The following CSGALNACT1 variants were observed in gnomAD, a reference collection of about 807,000 sequenced individuals.
CSGALNACT1 encodes beta4GalNAcT-1.
CSGALNACT1 carries 52 observed loss-of-function variants against 51.0 expected under a neutral mutation model. The ratio of observed to expected loss-of-function variants is 1.02; its 90% confidence interval spans 0.82 to 1.29. The LOEUF is 1.29. Ranked by LOEUF, CSGALNACT1 falls within the 50% of genes most tolerant of loss-of-function variation. The pLI is 0.00. For synonymous variants in CSGALNACT1, 341 were observed against 254.4 expected (o/e 1.34, Z -3.24); for missense variants, 935 against 679.2 (o/e 1.38, Z -4.19).
chr8:19,662,349 C>T (rs772468482), intron 1 of CSGALNACT1, among the ~76,000 whole-genome samples: 1 of 152,030 alleles, frequency 6.6e-6, no homozygotes, highest in Non-Finnish European at 1.5e-5. Flanking sequence ...CCACTGCACT[C>T]CAGTCTGGGC....
exon 4 of CSGALNACT1, chr8:19,506,054 C>T: frequency 2.9e-6 from 2 of 695,726 alleles, no homozygotes; most frequent in South Asian, 3.0e-5. Context: ...GAAGCAATGA[C>T]TGAAGTGAAA....
At chr8:19,522,557 A>C (rs1312759544) in intron 3 of CSGALNACT1, among the ~76,000 whole-genome samples, 1 of 152,152 alleles carries the variant, frequency 6.6e-6, no homozygotes, top group African/African-American at 2.4e-5. Context: ...GGCACAGTGG[A>C]GGAGGACATT....
chr8:19,660,521 G>C (rs190473271), intron 1 of CSGALNACT1, among the ~76,000 whole-genome samples: 26 of 152,290 alleles, frequency 1.7e-4, no homozygotes, highest in African/African-American at 6.0e-4. Context: ...GAATACCAAT[G>C]CTTTGCCGTA....
At chr8:19,549,728 A>T (rs1173676032) in intron 3 of CSGALNACT1, among the ~76,000 whole-genome samples, 1 of 140,718 alleles carries the variant, frequency 7.1e-6, no homozygotes, top group Non-Finnish European at 1.5e-5. Flanking sequence ...AAGGGTGCAG[A>T]GGAGGCTAAT....
Position 19,506,133 on chromosome 8 carries a change from G to A in CSGALNACT1, c.-296-3C>T. 1.7e-6 allele frequency: 1 copy of A among 603,760 alleles called. No individual in the cohort carries two copies. Among genetic ancestry groups the A allele is most frequent in the South Asian group, 1.5e-5 (1 of 65,848 alleles). 37.4% of individuals were successfully genotyped at this position (603,760 alleles called of 1,614,324 possible). On this transcript the variant is annotated splice_region_variant and splice_polypyrimidine_tract_variant and intron_variant, in intron 3 of 9. Transcript: ENST00000454498. ...TGCAGCCAACAGCAAGAGGGGACCTGGGAAGAAACACAAATGACATCAACA... is the reference window on the plus strand; with the variant it reads ...TGCAGCCAACAGCAAGAGGGGACCTAGGAAGAAACACAAATGACATCAACA...
intron 4 of CSGALNACT1, among the ~76,000 whole-genome samples, chr8:19,480,570 A>G (rs190976080): frequency 5.3e-5 from 8 of 152,302 alleles, no homozygotes; most frequent in Non-Finnish European, 7.3e-5. Context: ...TAGTGCTGCA[A>G]TGAACATATG....
intron 4 of CSGALNACT1, among the ~76,000 whole-genome samples, chr8:19,467,908 C>T (rs1042267005): frequency 6.6e-6 from 1 of 152,328 alleles, no homozygotes; most frequent in Non-Finnish European, 1.5e-5. Flanking sequence ...ATCACTTAAA[C>T]CCAGGAGTTG....
intron 4 of CSGALNACT1, among the ~76,000 whole-genome samples, chr8:19,500,671 G>C (rs2076260669): frequency 6.6e-6 from 1 of 152,222 alleles, no homozygotes; most frequent in South Asian, 2.1e-4. Context: ...TGAGGTGTTT[G>C]TTGAAGAGTA....
intron 1 of CSGALNACT1, among the ~76,000 whole-genome samples, chr8:19,666,969 A>G (rs1275839013): frequency 1.4e-4 from 1 of 7,176 alleles, no homozygotes; most frequent in Non-Finnish European, 2.5e-4. Context: ...GAAAGAAAGA[A>G]AGAAAGAAAG....
At chr8:19,717,935 C>G (rs966803763) in intron 1 of CSGALNACT1, among the ~76,000 whole-genome samples, 1 of 152,116 alleles carries the variant, frequency 6.6e-6, no homozygotes, top group African/African-American at 2.4e-5. Flanking sequence ...GAGGCAGGCA[C>G]CAAGGATCCA....
At chr8:19,621,098 G>A (rs1032691988) in intron 1 of CSGALNACT1, among the ~76,000 whole-genome samples, 2 of 152,198 alleles carry the variant, frequency 1.3e-5, no homozygotes, top group Non-Finnish European at 2.9e-5. Context: ...ATAAAGAAAT[G>A]AATGCTAGAA....
intron 6 of CSGALNACT1, among the ~76,000 whole-genome samples, chr8:19,438,972 T>C (rs1361849700): frequency 1.3e-5 from 2 of 152,214 alleles, no homozygotes; most frequent in East Asian, 3.9e-4. Context: ...CTAAATGATA[T>C]GGATCTACTC....
At chr8:19,666,875 A>G (rs868591817) in intron 1 of CSGALNACT1, among the ~76,000 whole-genome samples, 45 of 126,286 alleles carry the variant, frequency 3.6e-4, no homozygotes, top group African/African-American at 7.3e-4. Context: ...GAAAGAAAGA[A>G]AGAAAGAAAG....
Position 19,746,175 on chromosome 8 carries a change from C to T in CSGALNACT1, c.-297+11675G>A, listed in dbSNP as rs7846562. On this transcript the variant is annotated intron_variant, in intron 1 of 1. Coordinates refer to the CSGALNACT1 transcript ENST00000517494. ...GACCAGTTTCAGATGCTCCATGGGT[C>T]AGTAAGCCCTAGCGTAGTAATATAT... Among the ~76,000 whole-genome samples, 660 of 152,256 alleles carry T rather than the reference C, an allele frequency of 4.3e-3. 7 individuals carry two copies. Among genetic ancestry groups the T allele is most frequent in the African/African-American group, 0.015 (614 of 41,546 alleles).
chr8:19,561,968 A>G lies in CSGALNACT1; in HGVS notation c.-297+29192T>C, dbSNP rs1297207217. On this transcript the variant is annotated intron_variant, in intron 3 of 9. Transcript: ENST00000454498. ...CATTTCTCACCCTTGAACCTCTAGA[A>G]TGCCCTTGACCTTCCCCTATCCTCC... Among the ~76,000 whole-genome samples, 8 of 152,116 alleles carry G rather than the reference A, an allele frequency of 5.3e-5. No individual in the cohort carries two copies. The East Asian group carries it at 1.5e-3, about 29-fold the overall frequency.
chr8:19,651,048 T>TC (rs1321794170), intron 1 of CSGALNACT1, among the ~76,000 whole-genome samples: 1 of 152,180 alleles, frequency 6.6e-6, no homozygotes. Context: ...AGTGAACATT[T>TC]CCTCTGGGCC....
exon 10 of CSGALNACT1, chr8:19,405,310 T>A (rs530941442): frequency 2.2e-6 from 1 of 454,400 alleles, no homozygotes; most frequent in African/African-American, 2.0e-5. Context: ...ACTAGTATCA[T>A]AATAAGCCTA....
At chr8:19,725,444 G>A (rs2063347187) in intron 1 of CSGALNACT1, among the ~76,000 whole-genome samples, 3 of 136,026 alleles carry the variant, frequency 2.2e-5, no homozygotes, top group South Asian at 2.3e-4. Flanking sequence ...TTTTTTTTGA[G>A]ATGGAGTTTC....
At chr8:19,504,210 G>A (rs1429393801) in intron 4 of CSGALNACT1, among the ~76,000 whole-genome samples, 1 of 152,148 alleles carries the variant, frequency 6.6e-6, no homozygotes, top group African/African-American at 2.4e-5. Flanking sequence ...CCAAGTAGCT[G>A]GGTCTACAGG....
Sources: allele counts gnomAD v4.1 joint callset (sites outside exome capture counted in the v4.1 genomes callset), GRCh38; gene constraint gnomAD v4.1.1; transcripts MANE v1.5; gene names NCBI Gene and HGNC (gene_info 2026-07-23, HGNC 2026-07-21).